The following PIGN variants were observed in gnomAD, a reference collection of about 807,000 sequenced individuals.
PIGN encodes phosphatidylinositol glycan anchor biosynthesis class N.
PIGN carries 117 observed loss-of-function variants against 125.4 expected under a neutral mutation model. The observed-to-expected ratio is 0.93, with a 90% CI of 0.80 to 1.09. PIGN has a LOEUF of 1.09. Among genes scored for constraint, PIGN ranks in the 50% least tolerant of loss-of-function variants. The pLI, the probability that PIGN is intolerant of heterozygous loss-of-function variation, is 0.00. For missense variants in PIGN, 1,075 were observed against 1,094.9 expected (o/e 0.98, Z 0.26); for synonymous variants, 392 against 377.8 (o/e 1.04, Z -0.44).
chr18:62,113,226 C>T lies in PIGN; in HGVS notation c.1342G>A (p.Val448Ile), dbSNP rs1479811365. ...YDRFFLGVNV[V>I]IGFVGWISYA... is the part of the protein sequence containing the mutation. ...GATATCCATCCCACAAAACCAATAA[C>T]AACATTGACGCCCAAAAAGAATCTG... The change falls in exon 16 of 31, where the codon GTT (valine) becomes ATT (isoleucine). Residue 448 changes from valine (V) to isoleucine (I), a missense_variant. Physicochemically the swap from Val to Ile is conservative, Grantham distance 29. Around this residue, in one of 3 missense-constraint regions of PIGN, gnomAD observed 915 missense variants for 908.7 expected, o/e 1.01. Transcript: ENST00000640252. 1 of 1,612,978 alleles carries T rather than the reference C, an allele frequency of 6.2e-7. No homozygotes were observed. The highest frequency in any genetic ancestry group is 8.5e-7 in the Non-Finnish European group (1 of 1,179,354).
chr18:62,131,463 T>C (rs1179758586), intron 14 of PIGN, among the ~76,000 whole-genome samples: 2 of 152,086 alleles, frequency 1.3e-5, no homozygotes. Flanking sequence ...CTTTTACAGA[T>C]GGGTGATCCT....
intron 1 of PIGN, among the ~76,000 whole-genome samples, chr18:62,182,368 T>G (rs1179338333): frequency 6.6e-6 from 1 of 152,242 alleles, no homozygotes; most frequent in African/African-American, 2.4e-5. Context: ...ACATTTCCCA[T>G]GAGCCTTGTC....
At position 62,140,457 on chromosome 18, in the gene PIGN, G is replaced by T; in HGVS notation, c.986C>A (p.Thr329Asn). 6.4e-7 allele frequency: 1 copy of T among 1,554,694 alleles called. No homozygotes were observed. Among genetic ancestry groups the T allele is most frequent in the Non-Finnish European group, 8.8e-7 (1 of 1,136,960 alleles). ...AGGAAAGGGAACTCCAATAAGGGAA[G>T]TCATCAATGGTGCAATATCAGCCTA... ...VNQADIAPLM[T>N]SLIGVPFPLN... Residue 329 changes from threonine (T) to asparagine (N), a missense_variant, in exon 12 of 31, where the codon ACT (threonine) becomes AAT (asparagine). By Grantham distance (65) the Thr-to-Asn change is moderately conservative. Transcript: ENST00000640252.
At chr18:62,027,884 G>A (rs1402354352) in intron 23 of PIGN, among the ~76,000 whole-genome samples, 1 of 151,864 alleles carries the variant, frequency 6.6e-6, no homozygotes, top group East Asian at 1.9e-4. Context: ...TTCAGCCTGA[G>A]TGATAGAATG....
intron 14 of PIGN, among the ~76,000 whole-genome samples, chr18:62,120,518 A>C (rs2035263086): frequency 6.6e-6 from 1 of 152,176 alleles, no homozygotes; most frequent in Non-Finnish European, 1.5e-5. Context: ...AATCTAAATA[A>C]ATGTTGATAA....
chr18:62,123,910 C>T (rs1544996), intron 14 of PIGN, among the ~76,000 whole-genome samples: 114,965 of 151,548 alleles, frequency 0.76, 43,725 homozygotes, highest in East Asian at 0.91. Flanking sequence ...ATTATATCTT[C>T]TGTGACTATA....
intron 11 of PIGN, among the ~76,000 whole-genome samples, chr18:62,141,183 C>G (rs1330512853): frequency 2.0e-5 from 3 of 152,160 alleles, no homozygotes; most frequent in Admixed American, 2.0e-4. Context: ...ATAAAGTACT[C>G]GGAATTGAGA....
chr18:62,125,636 T>C (rs2035506897), intron 14 of PIGN, among the ~76,000 whole-genome samples: 1 of 152,084 alleles, frequency 6.6e-6, no homozygotes, highest in Non-Finnish European at 1.5e-5. Context: ...ACGTGTATAC[T>C]ACAACAGCAT....
At chr18:62,156,739 C>T (rs776538830) in intron 6 of PIGN, among the ~76,000 whole-genome samples, 6 of 152,040 alleles carry the variant, frequency 3.9e-5, no homozygotes, top group Non-Finnish European at 8.8e-5. Flanking sequence ...GTGAAAAGTG[C>T]TATGCTAAAT....
chr18:62,138,161 T>A, intron 14 of PIGN, 82 bp downstream of exon 14: 2 of 1,508,830 alleles, frequency 1.3e-6, no homozygotes, highest in East Asian at 5.0e-5. Flanking sequence ...ATAAGTAAAC[T>A]AATCCTATCA....
At chr18:62,149,826 T>C (rs1351575367) in intron 7 of PIGN, among the ~76,000 whole-genome samples, 1 of 152,210 alleles carries the variant, frequency 6.6e-6, no homozygotes, top group Non-Finnish European at 1.5e-5. Context: ...AGAACCACTA[T>C]AGCATCCTGG....
intron 25 of PIGN, among the ~76,000 whole-genome samples, chr18:62,087,208 AG>A (rs1381427787): frequency 6.6e-6 from 1 of 152,230 alleles, no homozygotes; most frequent in Admixed American, 6.5e-5. Context: ...GATCAGGCAA[AG>A]GAAGTAATTA....
At position 62,041,648 on chromosome 18, in the gene PIGN, TGTGTGTGTGTGTGTGTG is replaced by T. The variant is rs2030384015; in HGVS notation, c.*4191_*4207del. 1 of 110,710 alleles carries T rather than the reference TGTGTGTGTGTGTGTGTG, an allele frequency of 9.0e-6. No individual in the cohort carries two copies. The highest frequency in any genetic ancestry group is 3.4e-5 in the African/African-American group (1 of 29,590). The allele number at this position is 110,710 out of a possible 1,614,324, so 6.9% of individuals were successfully genotyped here. Reference sequence around the variant, plus strand: ...AGCCTACCACCCCGCCGGGTGTGTGTGTGTGTGTGTGTGTGTGTGTGTGTGTGTGTGTGTGTGTGTGT... The same window carrying T: ...AGCCTACCACCCCGCCGGGTGTGTGTTGTGTGTGTGTGTGTGTGTGTGTGT... On this transcript the variant is annotated 3_prime_UTR_variant, in exon 31 of 31. Coordinates refer to ENST00000640252, the MANE Select transcript of PIGN (RefSeq NM_176787.5).
chr18:62,106,380 G>GGA (rs11401009), intron 19 of PIGN, among the ~76,000 whole-genome samples: 2 of 147,622 alleles, frequency 1.4e-5, no homozygotes, highest in Non-Finnish European at 3.0e-5. Flanking sequence ...TACTTATCCA[G>GGA]AAAAAAAAAA....
At chr18:62,070,015 G>C (rs184187573) in intron 30 of PIGN, 2 of 161,528 alleles carry the variant, frequency 1.2e-5, no homozygotes, top group Non-Finnish European at 2.7e-5. Context: ...GCACTATAAA[G>C]GACAAAAAAA....
intron 23 of PIGN, among the ~76,000 whole-genome samples, chr18:62,030,276 G>A (rs1032957042): frequency 6.6e-6 from 1 of 152,176 alleles, no homozygotes; most frequent in African/African-American, 2.4e-5. Flanking sequence ...TCTAACTTAC[G>A]CCAAATCTGG....
intron 14 of PIGN, among the ~76,000 whole-genome samples, chr18:62,124,515 G>C (rs1220064516): frequency 6.6e-6 from 1 of 152,114 alleles, no homozygotes; most frequent in Non-Finnish European, 1.5e-5. Context: ...CTAAAGTGGA[G>C]GAAAACCTGC....
At chr18:62,072,117 T>TA (rs1217722771) in intron 30 of PIGN, among the ~76,000 whole-genome samples, 3 of 148,436 alleles carry the variant, frequency 2.0e-5, no homozygotes, top group Admixed American at 6.7e-5. Context: ...GTTTAAAAAG[T>TA]AAAAAAAAGT....
At chr18:62,164,514 G>T (rs907715391) in intron 1 of PIGN, among the ~76,000 whole-genome samples, 1 of 152,074 alleles carries the variant, frequency 6.6e-6, no homozygotes, top group Admixed American at 6.6e-5. Flanking sequence ...TGAGCAAAGT[G>T]GGAAATGCCA....
Sources: allele counts gnomAD v4.1 joint callset (sites outside exome capture counted in the v4.1 genomes callset), GRCh38; gene constraint gnomAD v4.1.1; regional missense constraint gnomAD v4.1.1; transcripts MANE v1.5; gene names NCBI Gene and HGNC (gene_info 2026-07-23, HGNC 2026-07-21).